The following BRAF variants were observed in gnomAD, a reference collection of about 807,000 sequenced individuals.
The protein encoded by BRAF is B-Raf proto-oncogene, serine/threonine kinase.
In BRAF, 16 loss-of-function variants were observed where a neutral mutation model predicts 104.6. The observed-to-expected ratio is 0.15, with a 90% CI of 0.10 to 0.23. BRAF has a LOEUF of 0.23. BRAF is among the 10% of genes least tolerant of loss of function. The probability of loss-of-function intolerance (pLI) is 1.00; values close to 1 mark genes in which losing one functional copy is unlikely to be tolerated. For synonymous variants in BRAF, 310 were observed against 341.6 expected, an observed-to-expected ratio of 0.91 and a Z score of 1.02; for missense variants, 541 against 937.3, an observed-to-expected ratio of 0.58 and a Z score of 5.52.
chr7:140,794,429 A>C lies in BRAF; in HGVS notation c.1019T>G (p.Ile340Ser). The change falls in exon 8 of 20, where the codon ATT becomes AGT. Residue 340 changes from isoleucine (I) to serine (S), a missense_variant. Coordinates refer to ENST00000644969, the MANE Select transcript of BRAF (RefSeq NM_001374258.1). ...ILTSPSPSKS[I>S]PIPQPFRPAD... is the part of the protein sequence containing the mutation. Reference sequence around the variant, plus strand: ...TGGTCGGAAGGGCTGTGGAATTGGAATGGATTTTGAAGGAGACGGACTGGT... The same window carrying C: ...TGGTCGGAAGGGCTGTGGAATTGGACTGGATTTTGAAGGAGACGGACTGGT... 1 of 1,614,094 alleles carries C rather than the reference A, an allele frequency of 6.2e-7. No homozygotes were observed. Among genetic ancestry groups the C allele is most frequent in the South Asian group, 1.1e-5 (1 of 91,082 alleles).
intron 14 of BRAF, among the ~76,000 whole-genome samples, chr7:140,773,559 G>C (rs1800044668): frequency 6.6e-6 from 1 of 152,156 alleles, no homozygotes; most frequent in South Asian, 2.1e-4. Flanking sequence ...ACATAGATTA[G>C]GGTCTCCCAG....
chr7:140,717,920 T>C (rs1229451783), downstream of BRAF, among the ~76,000 whole-genome samples: 1 of 152,194 alleles, frequency 6.6e-6, no homozygotes, highest in African/African-American at 2.4e-5. Flanking sequence ...GGTGTCTTGC[T>C]ATATTGCCCT....
Position 140,827,803 on chromosome 7 carries a change from A to G in BRAF, c.504+6806T>C, listed in dbSNP as rs572510755. 1.1e-4 allele frequency among the ~76,000 whole-genome samples: 16 copies of G among 152,372 alleles called. No individual in the cohort carries two copies. The South Asian group carries it at 1.4e-3, about 14-fold the overall frequency. ...CTGTGATGTACAACTGCTCAACACC[A>G]CTGCTAAAGCATGAAACCAGCCACA... On this transcript the variant is annotated intron_variant, in intron 3 of 19. Transcript: ENST00000644969.
rs1818593026 is a variant in BRAF, at chr7:140,924,241, G to A, written c.138+325C>T. On this transcript the variant is annotated intron_variant, in intron 1 of 19. Coordinates refer to ENST00000644969, the MANE Select transcript of BRAF (RefSeq NM_001374258.1). This position sits in a 1 kb window ranked among gnomAD's most constrained non-coding sequence, Gnocchi z 4.2. ...CCCCACCCCACAGAGATGCAGAGCT[G>A]GATACTTCAGCCAATCGTGACCTTC... is the stretch of plus-strand genomic sequence containing the variant. Among the ~76,000 whole-genome samples the A allele has an allele frequency of 6.6e-6, 1 of 151,936 alleles. No homozygotes were observed. Among genetic ancestry groups the A allele is most frequent in the South Asian group, 2.1e-4 (1 of 4,822 alleles).
intron 18 of BRAF, among the ~76,000 whole-genome samples, chr7:140,735,760 G>A (rs1023420646): frequency 1.3e-5 from 2 of 151,974 alleles, no homozygotes; most frequent in African/African-American, 2.4e-5. Flanking sequence ...GTTTCACCAC[G>A]TTGGCCAGGC....
At chr7:140,869,072 C>G (rs1359962756) in intron 1 of BRAF, among the ~76,000 whole-genome samples, 1 of 152,122 alleles carries the variant, frequency 6.6e-6, no homozygotes, top group Non-Finnish European at 1.5e-5. Context: ...AGAAGGAACA[C>G]TGAGGTTGGG....
intron 1 of BRAF, among the ~76,000 whole-genome samples, chr7:140,852,390 C>CA (rs58493064): frequency 0.22 from 19,607 of 88,814 alleles, 1,842 homozygotes; most frequent in East Asian, 0.54. Flanking sequence ...CACAACCTGC[C>CA]AAAAAAAAAA....
At position 140,723,750 on chromosome 7, in the gene BRAF, TAC is replaced by T; in HGVS notation, c.*2742_*2743del. ...ACTACAGAAGGCACTGCAGCCACTT[TAC>T]AGACAAGACTGTTACACCCTTACAA... is the stretch of plus-strand genomic sequence containing the variant. On this transcript the variant is annotated 3_prime_UTR_variant, in exon 20 of 20. Coordinates refer to ENST00000644969, the MANE Select transcript of BRAF (RefSeq NM_001374258.1). 9.5e-7 allele frequency: 1 copy of T among 1,048,864 alleles called. No individual in the cohort carries two copies. The highest frequency in any genetic ancestry group is 1.7e-5 in the African/African-American group (1 of 60,308). 65.0% of individuals were successfully genotyped at this position (1,048,864 alleles called of 1,614,324 possible). A position where few individuals can be genotyped will look rare whatever the true frequency, so the allele number is the denominator to read the frequency against.
At chr7:140,829,273 T>C (rs1806436998) in intron 3 of BRAF, among the ~76,000 whole-genome samples, 1 of 151,858 alleles carries the variant, frequency 6.6e-6, no homozygotes, top group Non-Finnish European at 1.5e-5. Flanking sequence ...TAATTAAGTT[T>C]TGATTAAGAT....
chr7:140,838,467 A>G (rs1305632942), intron 2 of BRAF, among the ~76,000 whole-genome samples: 1 of 152,206 alleles, frequency 6.6e-6, no homozygotes, highest in Non-Finnish European at 1.5e-5. Flanking sequence ...TGGCAACGAG[A>G]GCAAGACTCC....
chr7:140,903,651 T>A (rs1292537815), intron 1 of BRAF, among the ~76,000 whole-genome samples: 1 of 152,240 alleles, frequency 6.6e-6, no homozygotes, highest in African/African-American at 2.4e-5. Context: ...ATAGATATCG[T>A]TATTACTCTG....
At chr7:140,869,698 G>C (rs1438270723) in intron 1 of BRAF, among the ~76,000 whole-genome samples, 3 of 151,870 alleles carry the variant, frequency 2.0e-5, no homozygotes, top group Non-Finnish European at 4.4e-5. Flanking sequence ...ATACACAGTA[G>C]CTATCTGCAC....
rs1795551267 is a variant in BRAF at position 140,725,540 on chromosome 7, C to T, written c.*954G>A. 4 of 1,023,244 alleles carry T rather than the reference C, an allele frequency of 3.9e-6. No homozygotes were observed. The African/African-American group carries it at 6.7e-5, about 17-fold the overall frequency. The allele number at this position is 1,023,244 out of a possible 1,614,324, so 63.4% of individuals were successfully genotyped here. A position where few individuals can be genotyped will look rare whatever the true frequency, so the allele number is the denominator to read the frequency against. On this transcript the variant is annotated 3_prime_UTR_variant, in exon 20 of 20. Transcript: ENST00000644969. The stretch of plus-strand genomic sequence containing the variant: ...ATATTTAAATTATCTAAATTTCTCA[C>T]ATTCAAAACTGTTATTAAGCAGTTT...
chr7:140,819,343 A>T (rs1042494350), intron 3 of BRAF, among the ~76,000 whole-genome samples: 1 of 152,226 alleles, frequency 6.6e-6, no homozygotes, highest in African/African-American at 2.4e-5. Context: ...ACCATTTCAT[A>T]CCCATTAGGA....
chr7:140,799,203 A>G, intron 7 of BRAF: 1 of 222,360 alleles, frequency 4.5e-6, no homozygotes, highest in Non-Finnish European at 9.0e-6. Context: ...CAACTGATTA[A>G]TAATACTGTT....
At chr7:140,792,681 T>C (rs1174778356) in intron 8 of BRAF, among the ~76,000 whole-genome samples, 1 of 152,238 alleles carries the variant, frequency 6.6e-6, no homozygotes, top group Admixed American at 6.5e-5. Flanking sequence ...TTTGTAATTA[T>C]CTATTTAAAT....
At chr7:140,915,867 G>C (rs1475115713) in intron 1 of BRAF, among the ~76,000 whole-genome samples, 1 of 151,778 alleles carries the variant, frequency 6.6e-6, no homozygotes, top group Non-Finnish European at 1.5e-5. Context: ...TTTCAAAATC[G>C]GCAAGGTGAT....
downstream of BRAF, among the ~76,000 whole-genome samples, chr7:140,715,939 T>C (rs1409643374): frequency 6.6e-6 from 1 of 152,230 alleles, no homozygotes; most frequent in South Asian, 2.1e-4. Context: ...TACCTGAGAT[T>C]CAGATCCTGC....
chr7:140,720,961 A>C lies in BRAF; in HGVS notation c.*5533T>G, dbSNP rs1480062427. The C allele has an allele frequency of 9.4e-7, 1 of 1,065,096 alleles. No individual in the cohort carries two copies. The highest frequency in any genetic ancestry group is 1.1e-6 in the Non-Finnish European group (1 of 879,254). 66.0% of individuals were successfully genotyped at this position (1,065,096 alleles called of 1,614,324 possible). On this transcript the variant is annotated 3_prime_UTR_variant, in exon 20 of 20. Transcript: ENST00000644969. ...TGAGAACCAGCGGTCACGGTGCTGG[A>C]GAATGAACTCGGCTGGCCGGGAGAA...
Sources: gnomAD v4.1 joint callset for allele counts (sites outside exome capture counted in the v4.1 genomes callset) on GRCh38, gnomAD v4.1.1 for gene constraint, Gnocchi (gnomAD v3.1) non-coding constraint, MANE v1.5 for transcripts, NCBI Gene and HGNC (gene_info 2026-07-23, HGNC 2026-07-21) for gene names.